ALG1L2: variants seen among roughly 807,000 people sequenced by gnomAD.
ALG1L2 encodes ALG1 chitobiosyldiphosphodolichol beta-mannosyltransferase like 2, also known as putative glycosyltransferase ALG1L2.
Under a neutral mutation model 29.0 loss-of-function variants are expected in ALG1L2, and 32 were observed. The observed-to-expected ratio is 1.10, with a 90% CI of 0.83 to 1.48. ALG1L2 has a LOEUF of 1.48. ALG1L2 is among the 40% of genes most tolerant of loss of function. The pLI is 0.00. For missense variants in ALG1L2, 318 were observed against 274.1 expected (o/e 1.16, Z -1.13); for synonymous variants, 110 against 109.5 (o/e 1.00, Z -0.03).
At chr3:130,096,503 A>G (rs1263684658) in intron 6 of ALG1L2, among the ~76,000 whole-genome samples, 1 of 151,492 alleles carries the variant, frequency 6.6e-6, no homozygotes, top group Non-Finnish European at 1.5e-5. Flanking sequence ...CCTAGAGTAG[A>G]ATTGGCGGGA....
intron 5 of ALG1L2, among the ~76,000 whole-genome samples, 170 bp from the exon 6 acceptor site, chr3:130,095,879 C>T (rs1347096998): frequency 6.6e-6 from 1 of 152,208 alleles, no homozygotes; most frequent in Non-Finnish European, 1.5e-5. Flanking sequence ...TTCAGATGTC[C>T]CAGCCAGGCC....
intron 1 of ALG1L2, among the ~76,000 whole-genome samples, chr3:130,085,733 G>A (rs182748101): frequency 2.0e-5 from 3 of 151,604 alleles, no homozygotes; most frequent in East Asian, 3.9e-4. Context: ...TCTGTGAAAT[G>A]TTCACCTTTA....
chr3:130,091,569 G>A (rs1935014519), intron 2 of ALG1L2, among the ~76,000 whole-genome samples, 198 bp downstream of exon 2: 1 of 152,354 alleles, frequency 6.6e-6, no homozygotes, highest in Non-Finnish European at 1.5e-5. Flanking sequence ...AGCCGCCTTT[G>A]AGCTACAATA....
rs770462359 is a variant in ALG1L2 at position 130,092,088 on chromosome 3, T to C, written c.132-13T>C. ...TCTGTGGCCTCTCACAGGGTTTTTTTCTGCTCCTTCAGCTCAGAACCTGAG... is the reference window on the plus strand; with the variant it reads ...TCTGTGGCCTCTCACAGGGTTTTTTCCTGCTCCTTCAGCTCAGAACCTGAG... On this transcript the variant is annotated splice_polypyrimidine_tract_variant and intron_variant, in intron 2 of 7. Coordinates refer to ENST00000425059, the MANE Select transcript of ALG1L2 (RefSeq NM_001136152.1). 5.0e-6 allele frequency: 8 copies of C among 1,613,014 alleles called. No individual in the cohort carries two copies. Among genetic ancestry groups the C allele is most frequent in the African/African-American group, 4.0e-5 (3 of 74,904 alleles).
chr3:130,092,341 G>T, intron 3 of ALG1L2, 119 bp downstream of exon 3: 1 of 1,597,120 alleles, frequency 6.3e-7, no homozygotes, highest in Non-Finnish European at 8.5e-7. Context: ...GTGAGAAGGG[G>T]AGGGCGTGTG....
rs1031416209 is a variant in ALG1L2 at position 130,087,579 on chromosome 3, A to G, written c.21-3682A>G. ...GGTTATATAAGAGAAAGTCCTTGTTATTAAGGAATACACAGGAATATTTAG... is the reference window on the plus strand; with the variant it reads ...GGTTATATAAGAGAAAGTCCTTGTTGTTAAGGAATACACAGGAATATTTAG... On this transcript the variant is annotated intron_variant, in intron 1 of 7. Transcript: ENST00000425059. 4.2e-5 allele frequency among the ~76,000 whole-genome samples: 6 copies of G among 144,544 alleles called. No individual in the cohort carries two copies. The Admixed American group carries it at 4.3e-4, about 10-fold the overall frequency. 94.8% of individuals were successfully genotyped at this position (144,544 alleles called of 152,430 possible).
At chr3:130,092,689 G>A (rs1344535045) in intron 3 of ALG1L2, among the ~76,000 whole-genome samples, 1 of 152,190 alleles carries the variant, frequency 6.6e-6, no homozygotes. Flanking sequence ...TGCCAGAGCA[G>A]TGCACTTTCT....
chr3:130,097,563 A>T (rs1935171457), intron 7 of ALG1L2, among the ~76,000 whole-genome samples: 1 of 151,904 alleles, frequency 6.6e-6, no homozygotes, highest in Non-Finnish European at 1.5e-5. Flanking sequence ...TGCGTGGGCT[A>T]AGGGAACTTC....
intron 1 of ALG1L2, among the ~76,000 whole-genome samples, chr3:130,086,319 C>T (rs1577325223): frequency 6.8e-6 from 1 of 147,906 alleles, no homozygotes; most frequent in East Asian, 2.0e-4. Context: ...TCAAGCCAGG[C>T]ATCACCTTCA....
chr3:130,095,788 T>C (rs1052239777), intron 5 of ALG1L2, among the ~76,000 whole-genome samples: 1 of 152,110 alleles, frequency 6.6e-6, no homozygotes, highest in Admixed American at 6.5e-5. Flanking sequence ...CCAGCCTGGG[T>C]GACAGAGTGA....
intron 1 of ALG1L2, among the ~76,000 whole-genome samples, chr3:130,088,427 T>TTC (rs141157217): frequency 6.6e-6 from 1 of 151,270 alleles, no homozygotes; most frequent in Non-Finnish European, 1.5e-5. Context: ...ATTCTTTTTT[T>TTC]CTTTTTCTGA....
intron 4 of ALG1L2, 179 bp from the exon 5 acceptor site, chr3:130,094,224 C>T: frequency 1.4e-6 from 1 of 715,072 alleles, no homozygotes; most frequent in Non-Finnish European, 2.4e-6. Context: ...GCACATACCC[C>T]TGCAGGTCTT....
chr3:130,082,583 C>T lies in ALG1L2; in HGVS notation c.20+547C>T, dbSNP rs191391153. ...GAACTCCTGATCTCAAGTGATCTGC[C>T]CACCTCAGCCTCCCAAAGTGCTGAG... On this transcript the variant is annotated intron_variant, in intron 1 of 7. Coordinates refer to ENST00000425059, the MANE Select transcript of ALG1L2 (RefSeq NM_001136152.1). Among the ~76,000 whole-genome samples the T allele has an allele frequency of 3.6e-3, 480 of 133,940 alleles. 14 individuals carry two copies. The highest frequency in any genetic ancestry group is 6.7e-3 in the Admixed American group (86 of 12,888). The allele number at this position is 133,940 out of a possible 152,430, so 87.9% of individuals were successfully genotyped here.
chr3:130,093,029 G>GAAAA (rs71158104), intron 3 of ALG1L2, 72 bp from the exon 4 acceptor site: 435 of 1,014,628 alleles, frequency 4.3e-4, no homozygotes, highest in East Asian at 3.2e-3. Flanking sequence ...GAGTCTGTCA[G>GAAAA]AAAAAAAAAA....
At position 130,092,110 on chromosome 3, in the gene ALG1L2, T is replaced by C; in HGVS notation, c.141T>C (p.Pro47=). ...THSPFRARSE[P]EDPDTERSAF... is the part of the protein sequence containing the mutation. ...TTTTCTGCTCCTTCAGCTCAGAACC[T>C]GAGGACCCAGACACAGAGCGGTCGG... The change falls in exon 3 of 8, where the codon CCT becomes CCC. Residue 47 remains proline (P), a synonymous_variant. Transcript: ENST00000425059. The C allele has an allele frequency of 6.2e-7, 1 of 1,613,584 alleles. No individual in the cohort carries two copies. The highest frequency in any genetic ancestry group is 8.5e-7 in the Non-Finnish European group (1 of 1,179,812).
chr3:130,094,127 G>A (rs1182577636), intron 4 of ALG1L2: 14 of 475,880 alleles, frequency 2.9e-5, no homozygotes, highest in African/African-American at 1.4e-4. Context: ...GTGGGTGGTC[G>A]CGTGCCAGGC....
intron 1 of ALG1L2, 126 bp downstream of exon 1, chr3:130,082,162 G>A (rs1934798284): frequency 1.7e-6 from 2 of 1,203,352 alleles, no homozygotes; most frequent in East Asian, 2.5e-5. Flanking sequence ...TAGAAATGAG[G>A]AAGGTGCCAA....
intron 1 of ALG1L2, among the ~76,000 whole-genome samples, chr3:130,089,912 C>T (rs7644173): frequency 0.21 from 30,208 of 146,028 alleles, 88 homozygotes; most frequent in Non-Finnish European, 0.23. Flanking sequence ...CTTACGGGTG[C>T]GTGACTATAA....
Position 130,098,334 on chromosome 3 carries a change from G to C in ALG1L2, c.*79G>C. 1.3e-6 allele frequency: 2 copies of C among 1,596,430 alleles called. No homozygotes were observed. The highest frequency in any genetic ancestry group is 1.7e-6 in the Non-Finnish European group (2 of 1,179,752). ...TCTGATGGGATGAGAGCTGGGTGCAGACTGTGCTCCCTTTGGTTATGGACA... is the reference window on the plus strand; with the variant it reads ...TCTGATGGGATGAGAGCTGGGTGCACACTGTGCTCCCTTTGGTTATGGACA... On this transcript the variant is annotated 3_prime_UTR_variant, in exon 8 of 8. Transcript: ENST00000425059.
Sources: allele counts gnomAD v4.1 joint callset (sites outside exome capture counted in the v4.1 genomes callset), GRCh38; gene constraint gnomAD v4.1.1; transcripts MANE v1.5; gene names NCBI Gene and HGNC (gene_info 2026-07-23, HGNC 2026-07-21).